The following ABCA4 variants were observed in gnomAD, a reference collection of about 807,000 sequenced individuals.
ABCA4 encodes retinal-specific phospholipid-transporting ATPase ABCA4.
Under a neutral mutation model 263.7 loss-of-function variants are expected in ABCA4, and 196 were observed. The ratio of observed to expected loss-of-function variants is 0.74; its 90% CI spans 0.66 to 0.84. ABCA4 has a LOEUF of 0.84. Ranked by LOEUF, ABCA4 falls within the 40% of genes least tolerant of loss-of-function variation. ABCA4 has a pLI of 0.00. For missense variants in ABCA4, 2,792 were observed against 2,855.1 expected, an observed-to-expected ratio of 0.98 and a Z score of 0.50; for synonymous variants, 1,133 against 1,094.2, an observed-to-expected ratio of 1.04 and a Z score of -0.70.
Position 94,007,707 on chromosome 1 carries a change from T to C in ABCA4, c.5932A>G (p.Lys1978Glu), listed in dbSNP as rs1064793014. The C allele has an allele frequency of 6.2e-7, 1 of 1,614,078 alleles. No individual in the cohort carries two copies. The highest frequency in any genetic ancestry group is 1.3e-5 in the African/African-American group (1 of 75,032). Residue 1978 changes from lysine to glutamate, a missense_variant, in exon 43 of 50, where the codon AAA becomes GAA. Transcript: ENST00000370225. Reference protein sequence around the residue: ...FGLLGVNGAGKTTTFKMLTGD... With the variant: ...FGLLGVNGAGETTTFKMLTGD... ...GTGAGCATCTTGAATGTGGTTGTTT[T>C]GCCGGCACCATTCACTCCCAGGAGG...
chr1:94,113,980 A>G (rs888444169), intron 1 of ABCA4, among the ~76,000 whole-genome samples: 8 of 152,288 alleles, frequency 5.3e-5, no homozygotes, highest in African/African-American at 1.4e-4. Flanking sequence ...GGGACATGTG[A>G]GTTGGAGAGT....
At position 94,041,345 on chromosome 1, in the gene ABCA4, C is replaced by T. The variant is rs1801269; in HGVS notation, c.3386G>A (p.Arg1129His). The change falls in exon 23 of 50, where the codon CGC becomes CAC. Residue 1129 changes from arginine to histidine, a missense_variant. Arg to His is a conservative substitution (Grantham distance 29). Coordinates refer to ENST00000370225, the MANE Select transcript of ABCA4 (RefSeq NM_000350.3). ...CCTTCCCTGGGCAATGATGGCAATG[C>T]GGTCCCCAAGGAGGTCGGCCTCGTC... Reference protein sequence around the residue: ...HMDEADLLGDRIAIIAQGRLY... With the variant: ...HMDEADLLGDHIAIIAQGRLY... 1.3e-5 allele frequency: 21 copies of T among 1,613,942 alleles called. No homozygotes were observed. The highest frequency in any genetic ancestry group is 2.7e-5 in the African/African-American group (2 of 74,874).
intron 17 of ABCA4, among the ~76,000 whole-genome samples, chr1:94,050,051 C>T (rs1660791574): frequency 6.6e-6 from 1 of 152,174 alleles, no homozygotes; most frequent in Admixed American, 6.5e-5. Flanking sequence ...ATGCAACAGC[C>T]ACCCAGGGCC....
chr1:94,023,271 A>C lies in ABCA4; in HGVS notation c.4667+115T>G. 3.5e-6 allele frequency: 3 copies of C among 845,404 alleles called. No homozygotes were observed. The South Asian group carries it at 4.5e-5, about 13-fold the overall frequency. 52.4% of individuals were successfully genotyped at this position (845,404 alleles called of 1,614,324 possible). On this transcript the variant is annotated intron_variant, in intron 32 of 49. Coordinates refer to ENST00000370225, the MANE Select transcript of ABCA4 (RefSeq NM_000350.3). ...TCAGGACGTGTCTTGTGACTTCCTG[A>C]GCACCTACAGAACAGCCCCTCCTCA... is the stretch of plus-strand genomic sequence containing the variant.
chr1:93,999,584 C>T (rs1659118134), intron 47 of ABCA4, among the ~76,000 whole-genome samples: 1 of 152,200 alleles, frequency 6.6e-6, no homozygotes, highest in African/African-American at 2.4e-5. Flanking sequence ...AGTGATGGTC[C>T]ACCAGAGAGT....
chr1:94,039,060 T>C (rs1660420246), intron 24 of ABCA4, among the ~76,000 whole-genome samples: 1 of 152,178 alleles, frequency 6.6e-6, no homozygotes, highest in Non-Finnish European at 1.5e-5. Flanking sequence ...TTAGTATCAA[T>C]TTAAAACAAA....
At chr1:94,050,029 C>A (rs1036487160) in intron 17 of ABCA4, among the ~76,000 whole-genome samples, 1 of 152,158 alleles carries the variant, frequency 6.6e-6, no homozygotes, top group Non-Finnish European at 1.5e-5. Flanking sequence ...AGGAGCAGGG[C>A]GAGATTTCTC....
At chr1:94,108,493 C>T in intron 4 of ABCA4, 84 bp downstream of exon 4, 1 of 1,597,962 alleles carries the variant, frequency 6.3e-7, no homozygotes, top group Non-Finnish European at 8.6e-7. Flanking sequence ...ATATTTTTCA[C>T]CAACTCTCCC....
At chr1:94,083,797 C>T (rs562914016) in intron 6 of ABCA4, among the ~76,000 whole-genome samples, 1 of 152,286 alleles carries the variant, frequency 6.6e-6, no homozygotes, top group African/African-American at 2.4e-5. Context: ...GGAAGTGCTG[C>T]GGGCCTGGGG....
chr1:94,041,206 T>A lies in ABCA4; in HGVS notation c.3522+3A>T, dbSNP rs1229772101. ...CAGGGTCCTTCCCTGGGCAGACACC[T>A]ACCTCACTGCCTTTCCTTTGGCTCT... is the stretch of plus-strand genomic sequence containing the variant. On this transcript the variant is annotated splice_donor_region_variant and intron_variant, in intron 23 of 49. Coordinates refer to ENST00000370225, the MANE Select transcript of ABCA4 (RefSeq NM_000350.3). 6.2e-7 allele frequency: 1 copy of A among 1,614,176 alleles called. No homozygotes were observed. The highest frequency in any genetic ancestry group is 8.5e-7 in the Non-Finnish European group (1 of 1,180,028).
chr1:94,065,285 G>A (rs892810913), intron 11 of ABCA4, among the ~76,000 whole-genome samples: 1 of 152,074 alleles, frequency 6.6e-6, no homozygotes, highest in African/African-American at 2.4e-5. Flanking sequence ...TGGCAGCCCC[G>A]GAACTTAGGT....
chr1:94,085,317 G>T (rs1218034369), intron 6 of ABCA4, among the ~76,000 whole-genome samples: 1 of 152,036 alleles, frequency 6.6e-6, no homozygotes, highest in East Asian at 1.9e-4. Flanking sequence ...TAGATCCATG[G>T]GAGCTCATTT....
chr1:94,014,331 G>C (rs1257443986), intron 38 of ABCA4, among the ~76,000 whole-genome samples: 2 of 149,180 alleles, frequency 1.3e-5, no homozygotes, highest in Non-Finnish European at 3.0e-5. Flanking sequence ...GACGGGGGAA[G>C]GAGGGAGGAG....
chr1:94,090,159 AC>A (rs1048947658), intron 6 of ABCA4, among the ~76,000 whole-genome samples: 2 of 152,170 alleles, frequency 1.3e-5, no homozygotes, highest in African/African-American at 4.8e-5. Context: ...TGCAAACCCC[AC>A]GCTGACAGTG....
intron 29 of ABCA4, among the ~76,000 whole-genome samples, chr1:94,030,114 A>C (rs142507130): frequency 9.0e-4 from 137 of 152,352 alleles, no homozygotes; most frequent in African/African-American, 3.1e-3. Flanking sequence ...ACACAATAGC[A>C]TAACCCTATT....
intron 6 of ABCA4, among the ~76,000 whole-genome samples, chr1:94,088,630 TC>T (rs1300943856): frequency 1.3e-5 from 2 of 152,202 alleles, no homozygotes; most frequent in African/African-American, 4.8e-5. Context: ...GTTCTTCCCA[TC>T]CCATTGTCTA....
chr1:94,048,449 T>A (rs569637363), intron 18 of ABCA4, among the ~76,000 whole-genome samples: 1 of 152,308 alleles, frequency 6.6e-6, no homozygotes, highest in South Asian at 2.1e-4. Context: ...GTAAGTGAAG[T>A]GTAGTCAGCT....
intron 1 of ABCA4, among the ~76,000 whole-genome samples, chr1:94,119,935 C>T (rs1381295400): frequency 6.6e-6 from 1 of 152,146 alleles, no homozygotes; most frequent in Non-Finnish European, 1.5e-5. Flanking sequence ...CCTGATCTCT[C>T]CAGTGGCTTG....
At position 94,044,707 on chromosome 1, in the gene ABCA4, T is replaced by C. The variant is rs1327544801; in HGVS notation, c.2956A>G (p.Thr986Ala). The C allele has an allele frequency of 6.2e-7, 1 of 1,614,144 alleles. No homozygotes were observed. Among genetic ancestry groups the C allele is most frequent in the Admixed American group, 1.7e-5 (1 of 60,018 alleles). Residue 986 changes from threonine to alanine, a missense_variant, in exon 20 of 50, where the codon ACT (threonine) becomes GCT (alanine). By Grantham distance (58) the Thr-to-Ala change is moderately conservative. Coordinates refer to ENST00000370225, the MANE Select transcript of ABCA4 (RefSeq NM_000350.3). ...LTGLLPPTSG[T>A]VLVGGRDIET... Reference sequence around the variant, plus strand: ...ATGTCCCTTCCCCCAACGAGCACAGTCCCAGAGGTTGGTGGCAACAGACCC... The same window carrying C: ...ATGTCCCTTCCCCCAACGAGCACAGCCCCAGAGGTTGGTGGCAACAGACCC...
Sources: allele counts gnomAD v4.1 joint callset (sites outside exome capture counted in the v4.1 genomes callset), GRCh38; gene constraint gnomAD v4.1.1; transcripts MANE v1.5; gene names NCBI Gene and HGNC (gene_info 2026-07-23, HGNC 2026-07-21).